Variants in IFITM10 observed in about 807,000 individuals in gnomAD.
IFITM10 encodes the protein interferon-induced transmembrane protein 10.
Under a neutral mutation model 19.0 loss-of-function variants are expected in IFITM10, and 17 were observed. The observed-to-expected ratio is 0.90, with a 90% confidence interval of 0.61 to 1.34. The LOEUF (loss-of-function observed/expected upper bound fraction) is 1.34, where lower values mean the gene tolerates loss of function less well. Ranked by LOEUF, IFITM10 falls within the 40% of genes most tolerant of loss-of-function variation. The probability of loss-of-function intolerance (pLI) is 0.00; values close to 1 mark genes in which losing one functional copy is unlikely to be tolerated. For missense variants in IFITM10, 306 were observed against 319.8 expected (o/e 0.96, Z 0.33); for synonymous variants, 148 against 147.2 (o/e 1.01, Z -0.04).
intron 2 of IFITM10, among the ~76,000 whole-genome samples, chr11:1,738,453 C>T (rs1851110181): frequency 2.0e-5 from 3 of 152,254 alleles, no homozygotes; most frequent in African/African-American, 7.2e-5. Flanking sequence ...GGTGGGGTAA[C>T]AGGTGCATAG....
At chr11:1,737,551 C>A (rs965905754) in intron 2 of IFITM10, among the ~76,000 whole-genome samples, 2 of 152,144 alleles carry the variant, frequency 1.3e-5, no homozygotes, top group African/African-American at 4.8e-5. Flanking sequence ...GCGCTGCCTC[C>A]CAGGGTTGTG....
rs1178401463 is a variant in IFITM10 at position 1,735,169 on chromosome 11, A to G, written c.*111T>C. On this transcript the variant is annotated 3_prime_UTR_variant, in exon 3 of 3. Coordinates refer to ENST00000340134, the MANE Select transcript of IFITM10 (RefSeq NM_001170820.4). ...CCAGTTCACAGCTCAAGGGGGCCCC[A>G]GGACAAGAAGCCCTGCCCTGCCCCA... 1.6e-6 allele frequency: 2 copies of G among 1,247,638 alleles called. No homozygotes were observed. The highest frequency in any genetic ancestry group is 2.4e-5 in the Admixed American group (1 of 41,362). The allele number at this position is 1,247,638 out of a possible 1,614,324, so 77.3% of individuals were successfully genotyped here. A position where few individuals can be genotyped will look rare whatever the true frequency, so the allele number is the denominator to read the frequency against.
chr11:1,744,641 G>T (rs990926786), intron 2 of IFITM10: 73 of 114,950 alleles, frequency 6.4e-4, no homozygotes, highest in Non-Finnish European at 3.8e-4. Context: ...CATGTGGGTG[G>T]GGGGGGTGGA....
intron 2 of IFITM10, among the ~76,000 whole-genome samples, chr11:1,739,784 T>G (rs1279330614): frequency 6.6e-6 from 1 of 152,048 alleles, no homozygotes; most frequent in Non-Finnish European, 1.5e-5. Context: ...CAGGGAGGCA[T>G]GTCCTGGGAG....
Position 1,747,868 on chromosome 11 carries a change from C to T in IFITM10, c.336G>A (p.Lys112=). ...TLFPMESKSS[K]TDSVRAAGAP... ...CGCCGGCAGCCCGCACGCTGTCGGT[C>T]TTGCTGCTCTTGGACTCCATGGGGA... The change falls in exon 2 of 3, where the codon AAG becomes AAA. Residue 112 remains lysine (K), a synonymous_variant. Coordinates refer to ENST00000340134, the MANE Select transcript of IFITM10 (RefSeq NM_001170820.4). 1 of 1,534,816 alleles carries T rather than the reference C, an allele frequency of 6.5e-7. No individual in the cohort carries two copies. The highest frequency in any genetic ancestry group is 2.4e-5 in the East Asian group (1 of 40,838).
chr11:1,738,766 TAA>T (rs1250179713), intron 2 of IFITM10, among the ~76,000 whole-genome samples: 1 of 151,790 alleles, frequency 6.6e-6, no homozygotes, highest in Non-Finnish European at 1.5e-5. Flanking sequence ...TGCAGTGTGA[TAA>T]AAAGAATGGA....
At chr11:1,738,634 A>G (rs1250379216) in intron 2 of IFITM10, among the ~76,000 whole-genome samples, 1 of 152,090 alleles carries the variant, frequency 6.6e-6, no homozygotes, top group Non-Finnish European at 1.5e-5. Flanking sequence ...AATACACGAG[A>G]ATGTGTGCTC....
chr11:1,744,185 T>G (rs576209673), intron 2 of IFITM10, among the ~76,000 whole-genome samples: 35 of 152,364 alleles, frequency 2.3e-4, no homozygotes, highest in African/African-American at 4.8e-4. Context: ...CGTCTCACCA[T>G]GTGTCCTCTG....
chr11:1,747,275 C>T (rs758710113), intron 2 of IFITM10, among the ~76,000 whole-genome samples: 9 of 152,140 alleles, frequency 5.9e-5, no homozygotes, highest in Admixed American at 6.5e-5. Flanking sequence ...TTCAGCCCCA[C>T]GCTGGCCCCA....
chr11:1,748,273 G>A (rs1590900121), intron 1 of IFITM10, 154 bp from the exon 2 acceptor site: 1 of 538,036 alleles, frequency 1.9e-6, no homozygotes, highest in Non-Finnish European at 2.9e-6. Flanking sequence ...CACCCGCCCC[G>A]GGCCTCGGCG....
At chr11:1,746,231 G>T (rs1166331607) in intron 2 of IFITM10, 5 of 228,852 alleles carry the variant, frequency 2.2e-5, no homozygotes, top group African/African-American at 1.1e-4. Context: ...ACACACTTGT[G>T]CACACACATT....
rs940998226 is a variant in IFITM10 at position 1,748,064 on chromosome 11, T to C, written c.140A>G (p.Asp47Gly). The C allele has an allele frequency of 7.5e-5, 107 of 1,417,222 alleles. No individual in the cohort carries two copies. The highest frequency in any genetic ancestry group is 8.9e-5 in the Non-Finnish European group (97 of 1,091,796). The allele number at this position is 1,417,222 out of a possible 1,614,324, so 87.8% of individuals were successfully genotyped here. A position where few individuals can be genotyped will look rare whatever the true frequency, so the allele number is the denominator to read the frequency against. ...GGGGACTCGGGCTTCCTGGGCGCCG[T>C]CCGTGGTGCTGGCCGGGTCTCCCAG... ...APLGDPASTT[D>G]GAQEARVPLD... Residue 47 changes from aspartate to glycine, a missense_variant, in exon 2 of 3, where the codon GAC becomes GGC. Coordinates refer to ENST00000340134, the MANE Select transcript of IFITM10 (RefSeq NM_001170820.4).
rs1375281759 is a variant in IFITM10, at chr11:1,750,459, T to C, written c.-17A>G. 8 of 1,550,058 alleles carry C rather than the reference T, an allele frequency of 5.2e-6. No homozygotes were observed. The highest frequency in any genetic ancestry group is 7.0e-6 in the Non-Finnish European group (8 of 1,146,906). ...CTCCCTCATCTCTCTCCAAGCCCCA[T>C]CCTCCCATGAAACTCCTTTCTCCTC... is the stretch of plus-strand genomic sequence containing the variant. On this transcript the variant is annotated 5_prime_UTR_variant, in exon 1 of 3. It removes an upstream start codon present in the reference 5' UTR. Transcript: ENST00000340134.
chr11:1,743,450 T>C (rs1281568388), intron 2 of IFITM10, among the ~76,000 whole-genome samples: 2 of 149,914 alleles, frequency 1.3e-5, no homozygotes, highest in East Asian at 2.0e-4. Flanking sequence ...AGATGGAGGA[T>C]GGCTGAATGG....
chr11:1,745,922 A>AC (rs3047260), intron 2 of IFITM10: 2 of 139,552 alleles, frequency 1.4e-5, no homozygotes, highest in Non-Finnish European at 3.1e-5. Flanking sequence ...ACACAGGCAC[A>AC]CCCCACACAC....
In IFITM10 at chr11:1,748,125, G is replaced by A. The variant is rs1845672504; in HGVS notation, c.85-6C>T. On this transcript the variant is annotated splice_region_variant and splice_polypyrimidine_tract_variant and intron_variant, in intron 1 of 2. Transcript: ENST00000340134. Reference sequence around the variant, plus strand: ...CACTGGCCGGGGCCCTGGGCCTGGAGAGGAGAAAGTGAGAGCAAGCTGGGC... The same window carrying A: ...CACTGGCCGGGGCCCTGGGCCTGGAAAGGAGAAAGTGAGAGCAAGCTGGGC... 1.5e-6 allele frequency: 2 copies of A among 1,366,452 alleles called. No homozygotes were observed. Among genetic ancestry groups the A allele is most frequent in the Non-Finnish European group, 1.9e-6 (2 of 1,067,718 alleles). 84.6% of individuals were successfully genotyped at this position (1,366,452 alleles called of 1,614,324 possible).
At chr11:1,746,266 AAT>A (rs1845648045) in intron 2 of IFITM10, 5 of 248,264 alleles carry the variant, frequency 2.0e-5, no homozygotes, top group South Asian at 2.0e-4. Flanking sequence ...CCACCCACGT[AAT>A]TACACACATG....
intron 2 of IFITM10, chr11:1,746,231 GCACA>G (rs1459646929): frequency 4.4e-6 from 1 of 228,970 alleles, no homozygotes; most frequent in Non-Finnish European, 8.5e-6. Flanking sequence ...ACACACTTGT[GCACA>G]CACATTTACA....
intron 2 of IFITM10, among the ~76,000 whole-genome samples, chr11:1,740,444 G>A (rs905583672): frequency 1.3e-5 from 2 of 152,084 alleles, no homozygotes; most frequent in Non-Finnish European, 2.9e-5. Flanking sequence ...CTGGACAGGC[G>A]TGGAAGGTGA....
Sources: gnomAD v4.1 joint callset for allele counts (sites outside exome capture counted in the v4.1 genomes callset) on GRCh38, gnomAD v4.1.1 for gene constraint, MANE v1.5 for transcripts, NCBI Gene and HGNC (gene_info 2026-07-23, HGNC 2026-07-21) for gene names.